POR: variants seen among roughly 807,000 people sequenced by gnomAD.
POR encodes NADPH--cytochrome P450 reductase.
In POR, 56 loss-of-function variants were observed where a neutral mutation model predicts 84.0. The ratio of observed to expected loss-of-function variants is 0.67; its 90% confidence interval spans 0.54 to 0.83. POR has a LOEUF of 0.83. Ranked by LOEUF, POR falls within the 40% of genes least tolerant of loss-of-function variation. The pLI is 0.00. For missense variants in POR, 938 were observed against 944.3 expected, an observed-to-expected ratio of 0.99 and a Z score of 0.09; for synonymous variants, 414 against 400.5, an observed-to-expected ratio of 1.03 and a Z score of -0.40.
At chr7:75,974,816 C>T (rs571476793) in intron 3 of POR, among the ~76,000 whole-genome samples, 9 of 152,178 alleles carry the variant, frequency 5.9e-5, no homozygotes, top group South Asian at 2.1e-4. Flanking sequence ...CCTGAACCAC[C>T]GCACCCAGCC....
chr7:75,947,495 A>C (rs782305300), intron 1 of POR, among the ~76,000 whole-genome samples: 1 of 152,034 alleles, frequency 6.6e-6, no homozygotes, highest in Non-Finnish European at 1.5e-5. Context: ...GGGTTTCACC[A>C]TGTTGGCCAG....
At chr7:75,971,188 C>G (rs1788423951) in intron 2 of POR, 1 of 151,820 alleles carries the variant, frequency 6.6e-6, no homozygotes, top group Admixed American at 6.6e-5. Context: ...GCTCAAACTC[C>G]TGACTCAAGT....
chr7:75,980,638 C>T, intron 5 of POR, 150 bp downstream of exon 5: 2 of 1,563,196 alleles, frequency 1.3e-6, no homozygotes, highest in Non-Finnish European at 1.7e-6. Context: ...TCTCCTCTGC[C>T]CCAGACCCCA....
chr7:75,917,813 T>G (rs1806647221), intron 1 of POR, among the ~76,000 whole-genome samples: 1 of 152,028 alleles, frequency 6.6e-6, no homozygotes, highest in South Asian at 2.1e-4. Context: ...TGGCCAAAGA[T>G]TCTGTGCTCA....
chr7:75,928,992 G>T (rs1807285679), intron 1 of POR, among the ~76,000 whole-genome samples: 2 of 152,106 alleles, frequency 1.3e-5, no homozygotes, highest in South Asian at 4.1e-4. Context: ...ACAATGTCAG[G>T]CCAGCACCAA....
At chr7:75,923,494 T>A (rs1303216278) in intron 1 of POR, 2 of 505,838 alleles carry the variant, frequency 4.0e-6, no homozygotes, top group Admixed American at 3.4e-5. Context: ...ACTGGAAGCT[T>A]GTGTTATTTT....
chr7:75,961,369 G>A (rs1033786347), intron 2 of POR, among the ~76,000 whole-genome samples: 36 of 151,644 alleles, frequency 2.4e-4, no homozygotes, highest in African/African-American at 8.7e-4. Flanking sequence ...CATTCTGCAC[G>A]AGGCCTGTGC....
intron 5 of POR, 188 bp from the exon 6 acceptor site, chr7:75,980,860 G>C (rs1350676156): frequency 9.2e-7 from 1 of 1,092,526 alleles, no homozygotes; most frequent in Non-Finnish European, 1.3e-6. Flanking sequence ...GTGGGCTGCA[G>C]GTCAACCAGA....
chr7:75,955,301 A>G (rs141289910), intron 2 of POR, among the ~76,000 whole-genome samples: 32 of 152,374 alleles, frequency 2.1e-4, no homozygotes, highest in Admixed American at 3.9e-4. Context: ...TAGTTAAAAG[A>G]AAAACGTTAA....
At chr7:75,973,673 G>GA (rs1788542898) in intron 3 of POR, among the ~76,000 whole-genome samples, 1 of 42,168 alleles carries the variant, frequency 2.4e-5, no homozygotes, top group Non-Finnish European at 4.8e-5. Context: ...TCCAGACCTT[G>GA]CTTTTTTTTT....
At chr7:75,952,760 G>T (rs1352467323) in intron 1 of POR, among the ~76,000 whole-genome samples, 6 of 151,844 alleles carry the variant, frequency 4.0e-5, no homozygotes, top group South Asian at 2.1e-4. Context: ...TTCCTAGATG[G>T]GATGGCGGTG....
chr7:75,950,558 A>G (rs946498565), intron 1 of POR, among the ~76,000 whole-genome samples: 5 of 152,140 alleles, frequency 3.3e-5, no homozygotes, highest in African/African-American at 1.2e-4. Flanking sequence ...CTGCTGCCTC[A>G]TGACTCTGTG....
chr7:75,946,156 T>C (rs1787163444), intron 1 of POR, among the ~76,000 whole-genome samples: 1 of 148,846 alleles, frequency 6.7e-6, no homozygotes, highest in African/African-American at 2.6e-5. Context: ...GCATAGTTTT[T>C]ACCCTTCTCT....
intron 14 of POR, 42 bp from the exon 15 acceptor site, chr7:75,986,117 A>C (rs1585136039): frequency 6.3e-7 from 1 of 1,583,744 alleles, no homozygotes. Context: ...TGGCAGGGCC[A>C]CAGCCACAGT....
intron 1 of POR, among the ~76,000 whole-genome samples, chr7:75,945,162 T>C (rs547768816): frequency 6.6e-6 from 1 of 151,964 alleles, no homozygotes; most frequent in South Asian, 2.1e-4. Flanking sequence ...ACACCTGTAG[T>C]CCCACCTACT....
At chr7:75,944,308 C>T (rs1554551894) in intron 1 of POR, among the ~76,000 whole-genome samples, 1 of 152,222 alleles carries the variant, frequency 6.6e-6, no homozygotes, top group South Asian at 2.1e-4. Flanking sequence ...GGGTGGATCA[C>T]TTGAGGCCAG....
intron 1 of POR, among the ~76,000 whole-genome samples, chr7:75,927,672 T>G (rs1807198868): frequency 7.9e-6 from 1 of 126,150 alleles, no homozygotes; most frequent in South Asian, 2.3e-4. Context: ...CTGTCTCAAT[T>G]TTTTTTTTTT....
At chr7:75,980,571 A>T in intron 5 of POR, 83 bp downstream of exon 5, 1 of 1,611,462 alleles carries the variant, frequency 6.2e-7, no homozygotes, top group Non-Finnish European at 8.5e-7. Context: ...TCTGAAAGGC[A>T]GCCCTCCAGA....
rs539652033 is a variant in POR, at chr7:75,972,619, C to T, written c.237+158C>T. 56 of 727,102 alleles carry T rather than the reference C, an allele frequency of 7.7e-5. 1 individual carries two copies. The East Asian group carries it at 9.4e-4, about 12-fold the overall frequency. 45.0% of individuals were successfully genotyped at this position (727,102 alleles called of 1,614,324 possible). On this transcript the variant is annotated intron_variant, in intron 3 of 15. Transcript: ENST00000461988. ...TCGCTTGGGAGTCATTCTTGCCTAA[C>T]CAAAGCCCTGAAGCAGCTCTGCTGT...
Sources: gnomAD v4.1 joint callset for allele counts (sites outside exome capture counted in the v4.1 genomes callset) on GRCh38, gnomAD v4.1.1 for gene constraint, MANE v1.5 for transcripts, NCBI Gene and HGNC (gene_info 2026-07-23, HGNC 2026-07-21) for gene names.